TDRD12: variants seen among roughly 807,000 people sequenced by gnomAD.
TDRD12 encodes the protein tudor domain containing 12.
Under a neutral mutation model 133.5 loss-of-function variants are expected in TDRD12, and 158 were observed. That is an observed-to-expected ratio of 1.18 (90% confidence interval 1.04 to 1.35). The LOEUF (loss-of-function observed/expected upper bound fraction) is 1.35, where lower values mean the gene tolerates loss of function less well. TDRD12 is among the 40% of genes most tolerant of loss of function. The probability of loss-of-function intolerance (pLI) is 0.00; values close to 1 mark genes in which losing one functional copy is unlikely to be tolerated. For missense variants in TDRD12, 1,443 were observed against 1,321.3 expected, an observed-to-expected ratio of 1.09 and a Z score of -1.43; for synonymous variants, 460 against 477.9, an observed-to-expected ratio of 0.96 and a Z score of 0.49.
intron 27 of TDRD12, among the ~76,000 whole-genome samples, chr19:32,820,626 T>G (rs996226772): frequency 5.3e-5 from 8 of 152,220 alleles, no homozygotes; most frequent in African/African-American, 7.2e-5. Flanking sequence ...TAATTTCTTT[T>G]TTATGCAAAG....
chr19:32,770,266 C>CA (rs1335168695), intron 8 of TDRD12, among the ~76,000 whole-genome samples: 5 of 152,118 alleles, frequency 3.3e-5, no homozygotes, highest in Admixed American at 3.3e-4. Flanking sequence ...CTTGGGCTCC[C>CA]AAAGTGTTGG....
chr19:32,818,324 C>T (rs923279544), intron 27 of TDRD12, among the ~76,000 whole-genome samples, 167 bp downstream of exon 27: 2 of 152,274 alleles, frequency 1.3e-5, no homozygotes, highest in Middle Eastern at 3.4e-3. Flanking sequence ...CGGAGCAGAA[C>T]ACAGAGACCC....
At chr19:32,766,618 A>G (rs1599557956) in intron 8 of TDRD12, among the ~76,000 whole-genome samples, 1 of 142,216 alleles carries the variant, frequency 7.0e-6, no homozygotes, top group African/African-American at 2.5e-5. Flanking sequence ...CTTATTAGCC[A>G]TAATTTTTTT....
chr19:32,747,351 CTTGAA>C (rs2030434197), intron 4 of TDRD12, among the ~76,000 whole-genome samples: 1 of 152,134 alleles, frequency 6.6e-6, no homozygotes, highest in African/African-American at 2.4e-5. Context: ...TTGTAATTCT[CTTGAA>C]TTGTTTAATA....
chr19:32,790,624 A>G, intron 12 of TDRD12, 33 bp downstream of exon 12: 1 of 1,551,580 alleles, frequency 6.4e-7, no homozygotes, highest in African/African-American at 1.4e-5. Flanking sequence ...TAAAATAAAA[A>G]GAGAGAAAAA....
intron 11 of TDRD12, among the ~76,000 whole-genome samples, chr19:32,777,867 T>A (rs1453812655): frequency 2.2e-4 from 16 of 71,228 alleles, no homozygotes; most frequent in South Asian, 5.2e-4. Context: ...ATTTTTTTTT[T>A]TTTTTTTTTT....
chr19:32,771,252 CCTCCA>C (rs1272891817), intron 8 of TDRD12, among the ~76,000 whole-genome samples: 2 of 152,200 alleles, frequency 1.3e-5, no homozygotes, highest in Non-Finnish European at 2.9e-5. Flanking sequence ...TTCACTGCAA[CCTCCA>C]CTTCCCAGGT....
chr19:32,817,997 A>G, intron 26 of TDRD12, 92 bp from the exon 27 acceptor site: 2 of 678,568 alleles, frequency 2.9e-6, no homozygotes, highest in South Asian at 1.6e-5. Flanking sequence ...GTTTTTACCC[A>G]TGCACTCCAA....
intron 1 of TDRD12, among the ~76,000 whole-genome samples, chr19:32,727,115 C>T (rs1968887636): frequency 6.6e-6 from 1 of 152,230 alleles, no homozygotes; most frequent in Non-Finnish European, 1.5e-5. Flanking sequence ...TGTTTTAACA[C>T]ACCTTCCAGC....
chr19:32,823,708 G>T (rs1967487055), downstream of TDRD12, among the ~76,000 whole-genome samples: 1 of 152,248 alleles, frequency 6.6e-6, no homozygotes, highest in South Asian at 2.1e-4. Flanking sequence ...GTTCTGAAGA[G>T]TTCTGGAAAA....
At chr19:32,745,999 T>TGA (rs71176150) in intron 4 of TDRD12, among the ~76,000 whole-genome samples, 4 of 115,336 alleles carry the variant, frequency 3.5e-5, no homozygotes, top group Admixed American at 8.5e-5. Flanking sequence ...TGTGTGTGTG[T>TGA]GAGAGAGAGA....
chr19:32,826,922 T>C (rs3746027), intron 9 of TDRD12, among the ~76,000 whole-genome samples, 173 bp downstream of exon 32: 11,162 of 152,240 alleles, frequency 0.073, 703 homozygotes, highest in East Asian at 0.24. Flanking sequence ...TTTGAGTACT[T>C]TTCAACCCTT....
At chr19:32,759,726 C>T (rs1970099279) in intron 8 of TDRD12, among the ~76,000 whole-genome samples, 1 of 152,216 alleles carries the variant, frequency 6.6e-6, no homozygotes, top group African/African-American at 2.4e-5. Flanking sequence ...ATACATACCT[C>T]TTTGTAATGT....
At chr19:32,747,973 C>G (rs916447482) in intron 4 of TDRD12, among the ~76,000 whole-genome samples, 4 of 152,100 alleles carry the variant, frequency 2.6e-5, no homozygotes, top group African/African-American at 9.7e-5. Context: ...TGTGTTCATG[C>G]CACTGCACTC....
At chr19:32,819,159 A>G (rs1967291327) in intron 27 of TDRD12, among the ~76,000 whole-genome samples, 1 of 152,044 alleles carries the variant, frequency 6.6e-6, no homozygotes, top group Non-Finnish European at 1.5e-5. Flanking sequence ...TCTACTAAAA[A>G]TACAAAAATT....
At chr19:32,800,895 C>A in intron 18 of TDRD12, 123 bp downstream of exon 18, 1 of 1,032,688 alleles carries the variant, frequency 9.7e-7, no homozygotes, top group Non-Finnish European at 1.3e-6. Context: ...AGTTTAACAT[C>A]AATCAGAAGA....
exon 8 of TDRD12, chr19:32,757,101 G>A: frequency 6.4e-7 from 1 of 1,551,772 alleles, no homozygotes; most frequent in Non-Finnish European, 8.7e-7. Flanking sequence ...GGTATTGTCG[G>A]TGACCTCAGG....
intron 11 of TDRD12, among the ~76,000 whole-genome samples, chr19:32,777,830 TATATATATATATATATATATATATATA>T (rs1233053086): frequency 0.012 from 83 of 7,112 alleles, 1 homozygote; most frequent in Non-Finnish European, 0.018. Context: ...TATATATATA[TATATATATATATATATATATATATATA>T]TTTTTTTTTT....
exon 14 of TDRD12, chr19:32,794,671 C>A: frequency 1.4e-6 from 1 of 703,014 alleles, no homozygotes; most frequent in East Asian, 2.7e-5. Context: ...CACACTGAAT[C>A]TTACTCTTGG....
Sources: gnomAD v4.1 joint callset for allele counts (sites outside exome capture counted in the v4.1 genomes callset) on GRCh38, gnomAD v4.1.1 for gene constraint, MANE v1.5 for transcripts, NCBI Gene and HGNC (gene_info 2026-07-23, HGNC 2026-07-21) for gene names.